Variants in NCALD observed in about 807,000 individuals in gnomAD.
NCALD encodes the protein neurocalcin delta, also known as neurocalcin-delta.
A neutral mutation model predicts 18.6 loss-of-function variants in NCALD; 10 were observed. The ratio of observed to expected loss-of-function variants is 0.54; its 90% CI spans 0.33 to 0.91. NCALD has a LOEUF of 0.91. NCALD is among the 40% of genes least tolerant of loss of function. NCALD has a pLI of 0.03. For missense variants in NCALD, 184 were observed against 247.6 expected, an observed-to-expected ratio of 0.74 and a Z score of 1.72; for synonymous variants, 88 against 87.4, an observed-to-expected ratio of 1.01 and a Z score of -0.04.
At chr8:101,958,842 ATTTTAT>A (rs1819733481) in intron 2 of NCALD, among the ~76,000 whole-genome samples, 1 of 152,082 alleles carries the variant, frequency 6.6e-6, no homozygotes, top group African/African-American at 2.4e-5. Context: ...GCCCACTTTT[ATTTTAT>A]ATTTTAAATG....
At chr8:101,898,548 A>G (rs1817296920) in intron 3 of NCALD, among the ~76,000 whole-genome samples, 1 of 152,176 alleles carries the variant, frequency 6.6e-6, no homozygotes, top group African/African-American at 2.4e-5. Context: ...TTTCTTTTAT[A>G]GATCATGCTG....
chr8:102,096,621 A>C (rs569063559), intron 1 of NCALD, among the ~76,000 whole-genome samples: 1 of 150,546 alleles, frequency 6.6e-6, no homozygotes, highest in South Asian at 2.1e-4. Context: ...TTGGAACTTC[A>C]CTTCAGCCTC....
chr8:101,692,393 T>C (rs1202090618), intron 3 of NCALD: 1 of 985,260 alleles, frequency 1.0e-6, no homozygotes, highest in East Asian at 1.1e-4. Context: ...GCTGTCGGCA[T>C]CTGGGTAGGA....
chr8:101,696,170 T>C (rs1428512514), intron 2 of NCALD, among the ~76,000 whole-genome samples: 2 of 152,210 alleles, frequency 1.3e-5, no homozygotes, highest in African/African-American at 4.8e-5. Context: ...AAATCCCTGC[T>C]CTTAGGTGAC....
chr8:101,804,379 T>TAA (rs1812992433), intron 4 of NCALD, among the ~76,000 whole-genome samples: 1 of 137,108 alleles, frequency 7.3e-6, no homozygotes, highest in Admixed American at 7.7e-5. Flanking sequence ...ATATTATATG[T>TAA]TACTATATAT....
chr8:102,053,106 C>CA (rs942463245), intron 1 of NCALD, among the ~76,000 whole-genome samples: 4 of 152,158 alleles, frequency 2.6e-5, no homozygotes, highest in African/African-American at 9.7e-5. Flanking sequence ...CACAAGGAGA[C>CA]AAGCTCCCAA....
chr8:101,993,486 T>C (rs1821127320), intron 2 of NCALD, among the ~76,000 whole-genome samples: 2 of 152,190 alleles, frequency 1.3e-5, no homozygotes, highest in South Asian at 4.1e-4. Flanking sequence ...TTTCAGTCTT[T>C]GGCTTTTGGA....
chr8:101,932,861 A>G (rs1306925844), intron 2 of NCALD, among the ~76,000 whole-genome samples: 9 of 152,248 alleles, frequency 5.9e-5, no homozygotes, highest in Admixed American at 5.9e-4. Context: ...GCTGTCAAGT[A>G]TATATAAATT....
chr8:101,943,488 G>C (rs1819036898), intron 2 of NCALD, among the ~76,000 whole-genome samples: 1 of 152,196 alleles, frequency 6.6e-6, no homozygotes, highest in African/African-American at 2.4e-5. Flanking sequence ...ATTGTGATTA[G>C]AAGCAGAAGA....
chr8:101,934,234 A>G (rs1818676298), intron 2 of NCALD, among the ~76,000 whole-genome samples: 1 of 152,218 alleles, frequency 6.6e-6, no homozygotes, highest in South Asian at 2.1e-4. Context: ...GGTGTCAACC[A>G]GTGTACTCAA....
chr8:101,802,605 G>A (rs1454169962), intron 4 of NCALD, among the ~76,000 whole-genome samples: 1 of 151,918 alleles, frequency 6.6e-6, no homozygotes, highest in Non-Finnish European at 1.5e-5. Context: ...ACAGCTTTAT[G>A]TTCATATGTA....
chr8:101,693,068 C>T, intron 2 of NCALD, 172 bp from the exon 3 acceptor site: 1 of 522,518 alleles, frequency 1.9e-6, no homozygotes, highest in Middle Eastern at 3.0e-4. Context: ...AGAAGCCGGG[C>T]CCACAAAGCT....
intron 1 of NCALD, among the ~76,000 whole-genome samples, chr8:101,726,269 G>T (rs1485889282): frequency 6.6e-6 from 1 of 152,162 alleles, no homozygotes; most frequent in East Asian, 1.9e-4. Flanking sequence ...TGATAAAGCT[G>T]ATTTATATCC....
At chr8:101,969,892 T>A (rs1216951414) in intron 2 of NCALD, among the ~76,000 whole-genome samples, 2 of 152,220 alleles carry the variant, frequency 1.3e-5, no homozygotes, top group African/African-American at 4.8e-5. Context: ...ATTTCAGGCC[T>A]GAAAAATGTA....
At chr8:101,848,173 T>G (rs965491612) in intron 4 of NCALD, among the ~76,000 whole-genome samples, 6 of 151,934 alleles carry the variant, frequency 3.9e-5, no homozygotes, top group African/African-American at 1.5e-4. Flanking sequence ...AGCTAAAAAT[T>G]GAGGTATTCT....
intron 1 of NCALD, among the ~76,000 whole-genome samples, chr8:101,758,202 T>C (rs1174583856): frequency 1.3e-5 from 2 of 152,146 alleles, no homozygotes; most frequent in African/African-American, 4.8e-5. Context: ...AATGGCTTTG[T>C]AATCTGGCCC....
At chr8:101,901,709 C>T (rs1390873200) in intron 3 of NCALD, among the ~76,000 whole-genome samples, 3 of 152,076 alleles carry the variant, frequency 2.0e-5, no homozygotes, top group South Asian at 2.1e-4. Flanking sequence ...TTTGCTTTAA[C>T]CATGAAATAT....
rs112914472 is a variant in NCALD at position 101,785,091 on chromosome 8, A to G, written c.-20+5771T>C. Among the ~76,000 whole-genome samples, 1,184 of 152,322 alleles carry G rather than the reference A, an allele frequency of 7.8e-3. 17 individuals carry two copies. Among genetic ancestry groups the G allele is most frequent in the African/African-American group, 0.026 (1,089 of 41,574 alleles). ...AGCCAAATGCCTAGAGCTCTATTGTATACTTGTGTGACACTCAGCAATTTG... is the reference window on the plus strand; with the variant it reads ...AGCCAAATGCCTAGAGCTCTATTGTGTACTTGTGTGACACTCAGCAATTTG... On this transcript the variant is annotated intron_variant, in intron 1 of 3. Transcript: ENST00000220931.
At chr8:102,103,975 G>A (rs1825368112) in intron 1 of NCALD, among the ~76,000 whole-genome samples, 1 of 152,170 alleles carries the variant, frequency 6.6e-6, no homozygotes, top group Non-Finnish European at 1.5e-5. Context: ...TAAGCAAAGA[G>A]ACACGGCAAT....
Sources: allele counts gnomAD v4.1 joint callset (sites outside exome capture counted in the v4.1 genomes callset), GRCh38; gene constraint gnomAD v4.1.1; transcripts MANE v1.5; gene names NCBI Gene and HGNC (gene_info 2026-07-23, HGNC 2026-07-21).